The following HBP1 variants were observed in gnomAD, a reference collection of about 807,000 sequenced individuals.
The protein encoded by HBP1 is HMG box-containing protein 1.
Under a neutral mutation model 62.6 loss-of-function variants are expected in HBP1, and 20 were observed. The observed-to-expected ratio is 0.32, with a 90% CI of 0.22 to 0.46. The LOEUF (loss-of-function observed/expected upper bound fraction) is 0.46, where lower values mean the gene tolerates loss of function less well. Ranked by LOEUF, HBP1 falls within the 20% of genes least tolerant of loss-of-function variation. HBP1 has a pLI of 1.00. For synonymous variants in HBP1, 232 were observed against 206.2 expected, an observed-to-expected ratio of 1.12 and a Z score of -1.07; for missense variants, 480 against 611.8, an observed-to-expected ratio of 0.78 and a Z score of 2.27.
In HBP1 at chr7:107,169,810, G is replaced by A. The variant is rs1338960968; in HGVS notation, c.-16+625G>A. ...GGAGTCCGGGCTGCGGTCACATGAT[G>A]GGGGGAAGGGAGGGGAACGCGATGA... On this transcript the variant is annotated intron_variant, in intron 1 of 10. Transcript: ENST00000222574. The A allele has an allele frequency of 1.0e-5, 10 of 985,278 alleles. No homozygotes were observed. The South Asian group carries it at 1.4e-4, about 14-fold the overall frequency. 61.0% of individuals were successfully genotyped at this position (985,278 alleles called of 1,614,324 possible).
Position 107,171,073 on chromosome 7 carries a change from A to ATATATATAT in HBP1, c.-16+1889_-16+1890insATATATATT. On this transcript the variant is annotated intron_variant, in intron 1 of 10. Coordinates refer to ENST00000222574, the MANE Select transcript of HBP1 (RefSeq NM_012257.4). Reference sequence around the variant, plus strand: ...TATATATATATATATATATATATATATTTTTTTTTTTTTTTGAGAGGGAGT... The same window carrying ATATATATAT: ...TATATATATATATATATATATATATATATATATATTTTTTTTTTTTTTTTGAGAGGGAGT... 2.5e-3 allele frequency among the ~76,000 whole-genome samples: 221 copies of ATATATATAT among 87,194 alleles called. 19 individuals are homozygous for ATATATATAT. The highest frequency in any genetic ancestry group is 0.013 in the African/African-American group (195 of 15,118). 57.2% of individuals were successfully genotyped at this position (87,194 alleles called of 152,430 possible).
At chr7:107,179,570 A>C in intron 1 of HBP1, 1 of 167,330 alleles carries the variant, frequency 6.0e-6, no homozygotes, top group Non-Finnish European at 1.3e-5. Context: ...TCAGGAGTTC[A>C]AGACCAGCCT....
In HBP1 at chr7:107,186,671, G is replaced by A. The variant is rs576087554; in HGVS notation, c.755G>A (p.Gly252Asp). The A allele has an allele frequency of 7.6e-6, 12 of 1,580,900 alleles. No individual in the cohort carries two copies. The highest frequency in any genetic ancestry group is 2.2e-5 in the East Asian group (1 of 44,708). ...GATAATGAGGAAGATCTTCAAATGG[G>A]CATTCACAAGGTTGATTTAAAATTC... ...GCDNEEDLQMGIHKGYGSDGL... is the reference protein window; with the variant it reads ...GCDNEEDLQMDIHKGYGSDGL... The change falls in exon 6 of 11, where the codon GGC (glycine) becomes GAC (aspartate). Residue 252 changes from glycine (G) to aspartate (D), a missense_variant. This residue lies in a region of HBP1 where 304 missense variants were observed against 330.9 expected (regional missense o/e 0.92). Coordinates refer to ENST00000222574, the MANE Select transcript of HBP1 (RefSeq NM_012257.4).
intron 6 of HBP1, among the ~76,000 whole-genome samples, chr7:107,187,209 C>T (rs1219560360): frequency 2.6e-5 from 4 of 151,996 alleles, no homozygotes; most frequent in South Asian, 4.1e-4. Context: ...GCCAAGATTG[C>T]GCCACTGCAC....
Position 107,200,297 on chromosome 7 carries a change from AT to A in HBP1, c.1525del (p.Ser509GlnfsTer14). 6.2e-7 allele frequency: 1 copy of A among 1,611,430 alleles called. No individual in the cohort carries two copies. The highest frequency in any genetic ancestry group is 8.5e-7 in the Non-Finnish European group (1 of 1,178,716). On this transcript the variant is annotated frameshift_variant, in exon 10 of 11. Transcript: ENST00000222574. LOFTEE classifies it high-confidence loss of function. Reference sequence around the variant, plus strand: ...GACTGTTGGAAGAGGAAAAGAACCAATTCAGTATGTTTCAATAAATAGTGTT... The same window carrying A: ...GACTGTTGGAAGAGGAAAAGAACCAATCAGTATGTTTCAATAAATAGTGTT... The part of the protein sequence containing the change: ...NPDCWKRKRT[N>X]SGSQQH
chr7:107,186,166 C>CTTTTTTTTTTTT (rs80124304), intron 4 of HBP1, among the ~76,000 whole-genome samples, 195 bp from the exon 5 acceptor site: 46 of 116,046 alleles, frequency 4.0e-4, no homozygotes, highest in South Asian at 8.3e-4. Flanking sequence ...CTTTTTTTTT[C>CTTTTTTTTTTTT]TTTTTTTTTT....
chr7:107,195,419 C>G (rs779518015), intron 8 of HBP1, among the ~76,000 whole-genome samples: 25 of 152,196 alleles, frequency 1.6e-4, no homozygotes, highest in Non-Finnish European at 3.5e-4. Flanking sequence ...CCTGCCACTC[C>G]ATTTTAATTT....
Position 107,189,422 on chromosome 7 carries a change from A to G in HBP1, c.896A>G (p.Asp299Gly). 6.2e-7 allele frequency: 1 copy of G among 1,609,180 alleles called. No homozygotes were observed. Among genetic ancestry groups the G allele is most frequent in the African/African-American group, 1.3e-5 (1 of 74,858 alleles). ...DGLLTVECKL[D>G]HPFYVKNKGW... Reference sequence around the variant, plus strand: ...TTACTTACCGTAGAGTGTAAGCTGGACCACCCTTTCTATGTTAAAAATAAA... The same window carrying G: ...TTACTTACCGTAGAGTGTAAGCTGGGCCACCCTTTCTATGTTAAAAATAAA... Residue 299 changes from aspartate to glycine, a missense_variant, in exon 7 of 11, where the codon GAC becomes GGC. This residue lies in a region of HBP1 where 58 missense variants were observed against 128.5 expected (regional missense o/e 0.45). Coordinates refer to ENST00000222574, the MANE Select transcript of HBP1 (RefSeq NM_012257.4).
intron 8 of HBP1, chr7:107,192,559 T>C (rs1381571096): frequency 6.6e-6 from 1 of 152,162 alleles, no homozygotes; most frequent in African/African-American, 2.4e-5. Flanking sequence ...TTAATTTGGA[T>C]TGTGGGTTCA....
intron 1 of HBP1, among the ~76,000 whole-genome samples, chr7:107,178,757 G>T (rs1188528589): frequency 6.6e-6 from 1 of 152,098 alleles, no homozygotes; most frequent in African/African-American, 2.4e-5. Flanking sequence ...TTTTGGCCAG[G>T]TGCGGTGGCT....
At chr7:107,191,731 T>G (rs1415437748) in intron 8 of HBP1, among the ~76,000 whole-genome samples, 1 of 152,210 alleles carries the variant, frequency 6.6e-6, no homozygotes, top group Non-Finnish European at 1.5e-5. Context: ...AAATAAGTCT[T>G]GGAAATATAC....
intron 4 of HBP1, 56 bp downstream of exon 4, chr7:107,185,998 A>G: frequency 1.5e-6 from 2 of 1,299,916 alleles, no homozygotes; most frequent in African/African-American, 2.9e-5. Context: ...GTTGAAGTAC[A>G]TTAACATTCC....
In HBP1 at chr7:107,201,360, G is replaced by GATT. The variant is rs1798283914; in HGVS notation, c.1528-52_1528-50dup. Reference sequence around the variant, plus strand: ...TATACATCTTAGCTTTCATATATAGGATTACTATGTATTGATTTGTAAACA... The same window carrying GATT: ...TATACATCTTAGCTTTCATATATAGGATTATTACTATGTATTGATTTGTAAACA... On this transcript the variant is annotated intron_variant, in intron 10 of 10. Transcript: ENST00000222574. 1.2e-5 allele frequency: 13 copies of GATT among 1,079,032 alleles called. No homozygotes were observed. The South Asian group carries it at 1.6e-4, about 13-fold the overall frequency. The allele number at this position is 1,079,032 out of a possible 1,614,324, so 66.8% of individuals were successfully genotyped here.
chr7:107,185,684 A>G, intron 3 of HBP1, 117 bp from the exon 4 acceptor site: 1 of 679,030 alleles, frequency 1.5e-6, no homozygotes, highest in Non-Finnish European at 2.5e-6. Flanking sequence ...ACTAGTGTTT[A>G]CCATAAATGT....
intron 2 of HBP1, among the ~76,000 whole-genome samples, chr7:107,181,100 A>G (rs943346040): frequency 2.6e-4 from 40 of 152,194 alleles, no homozygotes; most frequent in African/African-American, 7.2e-4. Flanking sequence ...AATTAGTGTG[A>G]TGTTCTAGAA....
rs770019850 is a variant in HBP1, at chr7:107,183,486, T to C, written c.398+885T>C. Among the ~76,000 whole-genome samples the C allele has an allele frequency of 5.6e-4, 85 of 152,216 alleles. 2 individuals carry two copies. The highest frequency in any genetic ancestry group is 1.3e-4 in the Non-Finnish European group (9 of 68,030). ...CTAGAGCAAATTGAATTTAATTAACTTCAGTTTAATTCCGTGTTCATTTCC... is the reference window on the plus strand; with the variant it reads ...CTAGAGCAAATTGAATTTAATTAACCTCAGTTTAATTCCGTGTTCATTTCC... On this transcript the variant is annotated intron_variant, in intron 3 of 10. Coordinates refer to ENST00000222574, the MANE Select transcript of HBP1 (RefSeq NM_012257.4).
chr7:107,199,522 A>C (rs765134051), intron 9 of HBP1, among the ~76,000 whole-genome samples: 1 of 152,256 alleles, frequency 6.6e-6, no homozygotes, highest in Non-Finnish European at 1.5e-5. Context: ...TTTGGCTTCC[A>C]TATCAGTCAG....
chr7:107,182,488 C>T lies in HBP1; in HGVS notation c.285C>T (p.Thr95=). ...CAAGATCATCTTGGAACCAAAATACCTCAGACATACCAGAAACTACTTACC... is the reference window on the plus strand; with the variant it reads ...CAAGATCATCTTGGAACCAAAATACTTCAGACATACCAGAAACTACTTACC... The part of the protein sequence containing the change: ...EYPRSSWNQN[T]SDIPETTYRE... Residue 95 remains threonine, a synonymous_variant, in exon 3 of 11, where the codon ACC becomes ACT. Transcript: ENST00000222574. 6.2e-7 allele frequency: 1 copy of T among 1,612,308 alleles called. No homozygotes were observed. Among genetic ancestry groups the T allele is most frequent in the Non-Finnish European group, 8.5e-7 (1 of 1,178,384 alleles).
In HBP1 at chr7:107,175,679, CAT is replaced by C. The variant is rs1796803008; in HGVS notation, c.-15-4199_-15-4198del. ...ACTTTGCCAGCTATATGAGTTTACT[CAT>C]GTGAGTTTCTCTCATTGGGAGACCT... On this transcript the variant is annotated intron_variant, in intron 1 of 10. Transcript: ENST00000222574. Among the ~76,000 whole-genome samples, 3 of 151,500 alleles carry C rather than the reference CAT, an allele frequency of 2.0e-5. No homozygotes were observed. In the South Asian group the frequency reaches 6.3e-4, roughly 32 times the overall value.
Sources: allele counts gnomAD v4.1 joint callset (sites outside exome capture counted in the v4.1 genomes callset), GRCh38; gene constraint gnomAD v4.1.1; regional missense constraint gnomAD v4.1.1; transcripts MANE v1.5; gene names NCBI Gene and HGNC (gene_info 2026-07-23, HGNC 2026-07-21).